The following TMEM117 variants were observed in gnomAD, a reference collection of about 807,000 sequenced individuals.
The protein encoded by TMEM117 is transmembrane protein 117.
In TMEM117, 27 loss-of-function variants were observed where a neutral mutation model predicts 52.4. That is an observed-to-expected ratio of 0.51 (90% CI 0.38 to 0.71). The LOEUF is 0.71. Ranked by LOEUF, TMEM117 falls within the 30% of genes least tolerant of loss-of-function variation. The probability of loss-of-function intolerance (pLI) is 0.00; values close to 1 mark genes in which losing one functional copy is unlikely to be tolerated. For synonymous variants in TMEM117, 215 were observed against 206.3 expected, an observed-to-expected ratio of 1.04 and a Z score of -0.36; for missense variants, 556 against 630.5, an observed-to-expected ratio of 0.88 and a Z score of 1.26.
At chr12:44,081,058 C>A (rs1370239486) in intron 3 of TMEM117, among the ~76,000 whole-genome samples, 1 of 152,086 alleles carries the variant, frequency 6.6e-6, no homozygotes, top group Non-Finnish European at 1.5e-5. Flanking sequence ...ATATTATGAA[C>A]AAATAATTAT....
At chr12:44,215,040 C>T (rs1447631091) in intron 5 of TMEM117, among the ~76,000 whole-genome samples, 1 of 152,024 alleles carries the variant, frequency 6.6e-6, no homozygotes, top group African/African-American at 2.4e-5. Flanking sequence ...CTTTATGTCA[C>T]CCACTCAAAA....
intron 2 of TMEM117, among the ~76,000 whole-genome samples, chr12:43,923,782 G>A (rs1422746200): frequency 6.6e-6 from 1 of 152,098 alleles, no homozygotes; most frequent in Admixed American, 6.5e-5. Flanking sequence ...TACAGACGAT[G>A]CTGGAAATGG....
intron 2 of TMEM117, among the ~76,000 whole-genome samples, chr12:43,872,613 A>C (rs1160364474): frequency 1.3e-5 from 2 of 152,216 alleles, no homozygotes; most frequent in African/African-American, 4.8e-5. Context: ...ATTACATGAC[A>C]TATTGTACAG....
intron 1 of TMEM117, among the ~76,000 whole-genome samples, chr12:43,841,806 C>T (rs1385696505): frequency 3.3e-5 from 5 of 152,112 alleles, no homozygotes; most frequent in Non-Finnish European, 7.4e-5. Context: ...ATGTGAGCCT[C>T]AGTTTCCTCT....
At position 44,126,092 on chromosome 12, in the gene TMEM117, GT is replaced by G. The variant is rs964631768; in HGVS notation, c.411-17423del. Among the ~76,000 whole-genome samples the G allele has an allele frequency of 7.4e-5, 11 of 148,924 alleles. No individual in the cohort carries two copies. In the South Asian group the frequency reaches 1.1e-3, roughly 14 times the overall value. ...GTCTGAGAGACTGTTATGACTTCAG[GT>G]TTTTTTTTTCTTTGCATTTGCTGAG... is the stretch of plus-strand genomic sequence containing the variant. On this transcript the variant is annotated intron_variant, in intron 3 of 7. Transcript: ENST00000266534.
chr12:43,870,537 G>T (rs1943685356), intron 2 of TMEM117, among the ~76,000 whole-genome samples: 1 of 151,848 alleles, frequency 6.6e-6, no homozygotes, highest in Non-Finnish European at 1.5e-5. Context: ...GGGTTTACAG[G>T]CGTGAGCCAC....
At chr12:44,268,092 A>G (rs1369027622) in intron 5 of TMEM117, among the ~76,000 whole-genome samples, 1 of 150,344 alleles carries the variant, frequency 6.7e-6, no homozygotes, top group Non-Finnish European at 1.5e-5. Flanking sequence ...TGGGTCTGTA[A>G]TTTTCCTTTG....
rs535125966 is a variant in TMEM117 at position 43,913,814 on chromosome 12, A to G, written c.278-30396A>G. 8.4e-4 allele frequency among the ~76,000 whole-genome samples: 128 copies of G among 152,322 alleles called. No individual in the cohort carries two copies. In the Middle Eastern group the frequency reaches 0.01, roughly 12 times the overall value. On this transcript the variant is annotated intron_variant, in intron 2 of 7. Transcript: ENST00000266534. ...TTAATTATTCATTTTGTTCACTTTC[A>G]TCATGGCAGAATATAAGATATGTTT...
At chr12:44,149,059 G>A (rs181056696) in intron 4 of TMEM117, among the ~76,000 whole-genome samples, 12 of 152,286 alleles carry the variant, frequency 7.9e-5, no homozygotes, top group Non-Finnish European at 1.6e-4. Flanking sequence ...GAACACTCTT[G>A]AATGGAAGTG....
chr12:44,317,697 T>C (rs981680271), intron 6 of TMEM117, among the ~76,000 whole-genome samples: 23 of 152,354 alleles, frequency 1.5e-4, no homozygotes, highest in Non-Finnish European at 3.1e-4. Flanking sequence ...GCTGGTTTTA[T>C]GTTGGACTGT....
At chr12:44,096,974 G>C (rs1206332296) in intron 3 of TMEM117, among the ~76,000 whole-genome samples, 1 of 151,862 alleles carries the variant, frequency 6.6e-6, no homozygotes, top group Non-Finnish European at 1.5e-5. Flanking sequence ...ATCTGACAAA[G>C]GGCTAATATC....
intron 6 of TMEM117, among the ~76,000 whole-genome samples, chr12:44,302,366 G>T (rs1333664196): frequency 6.6e-6 from 1 of 152,176 alleles, no homozygotes; most frequent in Non-Finnish European, 1.5e-5. Flanking sequence ...GTTCCACCCA[G>T]ATCAACATAT....
chr12:44,031,430 G>A (rs1029196512), intron 3 of TMEM117, among the ~76,000 whole-genome samples: 1 of 152,112 alleles, frequency 6.6e-6, no homozygotes, highest in African/African-American at 2.4e-5. Flanking sequence ...ATAGGACTTC[G>A]ACAGGTGCAT....
intron 3 of TMEM117, among the ~76,000 whole-genome samples, chr12:43,975,620 G>T (rs145592119): frequency 6.6e-6 from 1 of 152,222 alleles, no homozygotes; most frequent in African/African-American, 2.4e-5. Context: ...GTTTTCCTAG[G>T]TATAAAGTAA....
At chr12:43,833,902 G>A (rs1198141937), upstream of TMEM117, among the ~76,000 whole-genome samples, 2 of 151,540 alleles carry the variant, frequency 1.3e-5, no homozygotes, top group African/African-American at 2.4e-5. Flanking sequence ...AGACCAGCCT[G>A]GACAATGTGG....
At chr12:43,808,439 A>T in the TMEM117 span, among the ~76,000 whole-genome samples, 1 of 152,192 alleles carries the variant, frequency 6.6e-6, no homozygotes, top group Admixed American at 6.5e-5. Flanking sequence ...CCCATGAGTG[A>T]AAGGCAATTA....
intron 6 of TMEM117, among the ~76,000 whole-genome samples, chr12:44,321,617 G>T (rs1258561392): frequency 6.6e-6 from 1 of 152,136 alleles, no homozygotes; most frequent in East Asian, 1.9e-4. Context: ...GCTTCCTTGA[G>T]AATGGAGAGA....
At chr12:44,157,159 A>G (rs1391158338) in intron 4 of TMEM117, among the ~76,000 whole-genome samples, 2 of 152,130 alleles carry the variant, frequency 1.3e-5, no homozygotes, top group African/African-American at 4.8e-5. Context: ...ATCTACATAA[A>G]CTTTCTTCTG....
intron 5 of TMEM117, among the ~76,000 whole-genome samples, chr12:44,274,635 C>G (rs971396212): frequency 5.9e-5 from 9 of 151,942 alleles, no homozygotes; most frequent in Admixed American, 6.6e-5. Context: ...AATAGAGAAC[C>G]CAGAAACAAA....
Sources: allele counts gnomAD v4.1 joint callset (sites outside exome capture counted in the v4.1 genomes callset), GRCh38; gene constraint gnomAD v4.1.1; transcripts MANE v1.5; gene names NCBI Gene and HGNC (gene_info 2026-07-23, HGNC 2026-07-21).